Variants in AK5 observed in about 807,000 individuals in gnomAD.
AK5 encodes adenylate kinase 5.
A neutral mutation model predicts 69.5 loss-of-function variants in AK5; 27 were observed. That is an observed-to-expected ratio of 0.39 (90% CI 0.29 to 0.54). The LOEUF is 0.54. Among genes scored for constraint, AK5 ranks in the 20% least tolerant of loss-of-function variants. The pLI, the probability that AK5 is intolerant of heterozygous loss-of-function variation, is 0.71. For missense variants in AK5, 531 were observed against 700.4 expected, an observed-to-expected ratio of 0.76 and a Z score of 2.73; for synonymous variants, 260 against 244.4, an observed-to-expected ratio of 1.06 and a Z score of -0.60.
At chr1:77,354,060 A>T (rs1662360752) in intron 6 of AK5, among the ~76,000 whole-genome samples, 1 of 152,168 alleles carries the variant, frequency 6.6e-6, no homozygotes, top group African/African-American at 2.4e-5. Context: ...GAAATGAGAC[A>T]TCTGAAATTT....
rs1658106002 is a variant in AK5, at chr1:77,282,339, A to G, written c.26A>G (p.Tyr9Cys). ...ATGAACACCAACGATGCCAAGGAGT[A>G]TCTGGCCCGGAGGGAAATCCCTCAG... MNTNDAKEYLARREIPQLF... is the reference protein window; with the variant it reads MNTNDAKECLARREIPQLF... The change falls in exon 1 of 14, where the codon TAT (tyrosine) becomes TGT (cysteine). Residue 9 changes from tyrosine to cysteine, a missense_variant. Coordinates refer to ENST00000354567, the MANE Select transcript of AK5 (RefSeq NM_174858.3). The G allele has an allele frequency of 6.4e-7, 1 of 1,562,992 alleles. No homozygotes were observed. The highest frequency in any genetic ancestry group is 1.4e-5 in the African/African-American group (1 of 73,802).
chr1:77,504,556 A>G (rs1656923014), intron 10 of AK5, among the ~76,000 whole-genome samples: 2 of 152,178 alleles, frequency 1.3e-5, no homozygotes, highest in South Asian at 2.1e-4. Flanking sequence ...TGAATATGCC[A>G]TGTCATTTTT....
intron 13 of AK5, among the ~76,000 whole-genome samples, chr1:77,549,230 T>C (rs1659690769): frequency 6.6e-6 from 1 of 152,138 alleles, no homozygotes. Flanking sequence ...GAACATCACT[T>C]ACTGTGGGAT....
At chr1:77,543,470 GA>G (rs1659381171) in intron 13 of AK5, among the ~76,000 whole-genome samples, 1 of 145,866 alleles carries the variant, frequency 6.9e-6, no homozygotes, top group Non-Finnish European at 1.5e-5. Context: ...AGTTTGACTG[GA>G]CATAATTTAA....
intron 12 of AK5, among the ~76,000 whole-genome samples, chr1:77,533,559 G>T (rs12740982): frequency 4.7e-5 from 7 of 149,950 alleles, no homozygotes; most frequent in Non-Finnish European, 1.0e-4. Flanking sequence ...AGCAGGTCGC[G>T]TGTTGTGCCT....
chr1:77,297,429 C>G (rs1317568943), intron 3 of AK5, 130 bp from the exon 4 acceptor site: 5 of 740,616 alleles, frequency 6.8e-6, no homozygotes, highest in Non-Finnish European at 1.1e-5. Context: ...ACTGAGAATG[C>G]CACAAATGGA....
intron 10 of AK5, among the ~76,000 whole-genome samples, chr1:77,505,094 G>A (rs553444551): frequency 6.6e-6 from 1 of 152,278 alleles, no homozygotes; most frequent in Admixed American, 6.5e-5. Flanking sequence ...CCCGTTTTAT[G>A]TTCCCATCAC....
chr1:77,384,605 A>T (rs191215334), intron 6 of AK5, among the ~76,000 whole-genome samples: 1 of 152,192 alleles, frequency 6.6e-6, no homozygotes, highest in Non-Finnish European at 1.5e-5. Context: ...GCTGCCTCTG[A>T]AACAGTGCAA....
At chr1:77,346,926 CT>C (rs1179427219) in intron 6 of AK5, among the ~76,000 whole-genome samples, 1 of 152,190 alleles carries the variant, frequency 6.6e-6, no homozygotes. Flanking sequence ...GAAAAAAATT[CT>C]GTTACAGCGT....
At chr1:77,473,888 C>A (rs986857589) in intron 8 of AK5, among the ~76,000 whole-genome samples, 1 of 152,140 alleles carries the variant, frequency 6.6e-6, no homozygotes, top group African/African-American at 2.4e-5. Context: ...CTCTTCTTAC[C>A]ACTCACACAT....
chr1:77,340,064 CATATATAATA>C (rs1294124960), intron 5 of AK5, among the ~76,000 whole-genome samples: 3 of 152,094 alleles, frequency 2.0e-5, no homozygotes, highest in Non-Finnish European at 4.4e-5. Context: ...AATCAAGTTG[CATATATAATA>C]TTTTTAGCAA....
At position 77,475,525 on chromosome 1, in the gene AK5, T is replaced by A. The variant is rs545864570; in HGVS notation, c.1060-7792T>A. Among the ~76,000 whole-genome samples, 69 of 102,812 alleles carry A rather than the reference T, an allele frequency of 6.7e-4. 1 individual carries two copies. The highest frequency in any genetic ancestry group is 8.9e-4 in the Non-Finnish European group (47 of 53,086). 67.4% of individuals were successfully genotyped at this position (102,812 alleles called of 152,430 possible). ...ATATTATATATATATGTATATATAT[T>A]ATATATATACAAATATATATTATAT... On this transcript the variant is annotated intron_variant, in intron 8 of 13. Transcript: ENST00000354567.
At chr1:77,330,413 T>A (rs1012110979) in intron 5 of AK5, among the ~76,000 whole-genome samples, 1 of 152,166 alleles carries the variant, frequency 6.6e-6, no homozygotes, top group African/African-American at 2.4e-5. Context: ...ATGAATTGTT[T>A]GCATATCATA....
At chr1:77,424,374 C>T (rs776011912) in intron 8 of AK5, among the ~76,000 whole-genome samples, 1 of 152,102 alleles carries the variant, frequency 6.6e-6, no homozygotes, top group Non-Finnish European at 1.5e-5. Flanking sequence ...AATCCTCTTG[C>T]CTCAGCCTCT....
chr1:77,466,078 C>T (rs566502539), intron 8 of AK5, among the ~76,000 whole-genome samples: 2 of 152,282 alleles, frequency 1.3e-5, no homozygotes, highest in Admixed American at 1.3e-4. Flanking sequence ...TCACCATGGC[C>T]CGTGAGGCTC....
intron 6 of AK5, among the ~76,000 whole-genome samples, chr1:77,406,715 A>C (rs1180791599): frequency 7.3e-6 from 1 of 137,034 alleles, no homozygotes; most frequent in Non-Finnish European, 1.6e-5. Flanking sequence ...GAAAAAAAAA[A>C]AACATACAAA....
At chr1:77,484,940 C>T (rs1275306514) in intron 9 of AK5, among the ~76,000 whole-genome samples, 2 of 152,136 alleles carry the variant, frequency 1.3e-5, no homozygotes, top group Non-Finnish European at 2.9e-5. Context: ...TTTAAAACAA[C>T]TATTTTTTAA....
At chr1:77,320,086 G>A (rs2100321059) in intron 5 of AK5, among the ~76,000 whole-genome samples, 1 of 152,294 alleles carries the variant, frequency 6.6e-6, no homozygotes, top group African/African-American at 2.4e-5. Flanking sequence ...CATGGCAGAA[G>A]ACAAAGGGAA....
In AK5 at chr1:77,535,886, G is replaced by T; in HGVS notation, c.1468G>T (p.Ala490Ser). The stretch of plus-strand genomic sequence containing the variant: ...GTTGGTGATCTGTATGGACTGCTCG[G>T]CAGACACCATGACCAACCGCCTTCT... The part of the protein sequence containing the change: ...PQLVICMDCS[A>S]DTMTNRLLQR... Residue 490 changes from alanine (A) to serine (S), a missense_variant, in exon 13 of 14, where the codon GCA (alanine) becomes TCA (serine). Coordinates refer to ENST00000354567, the MANE Select transcript of AK5 (RefSeq NM_174858.3). 6.2e-7 allele frequency: 1 copy of T among 1,613,824 alleles called. No homozygotes were observed. The highest frequency in any genetic ancestry group is 1.1e-5 in the South Asian group (1 of 91,024).
Sources: allele counts gnomAD v4.1 joint callset (sites outside exome capture counted in the v4.1 genomes callset), GRCh38; gene constraint gnomAD v4.1.1; transcripts MANE v1.5; gene names NCBI Gene and HGNC (gene_info 2026-07-23, HGNC 2026-07-21).